IGF1R: variants seen among roughly 807,000 people sequenced by gnomAD.
The protein encoded by IGF1R is insulin like growth factor 1 receptor, also known as insulin-like growth factor 1 receptor.
In IGF1R, 44 loss-of-function variants were observed where a neutral mutation model predicts 144.6. The observed-to-expected ratio is 0.30, with a 90% CI of 0.24 to 0.39. The LOEUF (loss-of-function observed/expected upper bound fraction) is 0.39. IGF1R is among the 10% of genes least tolerant of loss of function. The probability of loss-of-function intolerance (pLI) is 1.00; values close to 1 mark genes in which losing one functional copy is unlikely to be tolerated. For synonymous variants in IGF1R, 795 were observed against 722.8 expected, an observed-to-expected ratio of 1.10 and a Z score of -1.60; for missense variants, 1,355 against 1,833.7, an observed-to-expected ratio of 0.74 and a Z score of 4.77.
At chr15:98,861,388 C>T (rs1024088750) in intron 2 of IGF1R, among the ~76,000 whole-genome samples, 40 of 152,100 alleles carry the variant, frequency 2.6e-4, no homozygotes, top group African/African-American at 3.6e-4. Context: ...CATGCTGACC[C>T]GCGTAGGGAG....
chr15:98,739,400 T>C (rs550059024), intron 2 of IGF1R, among the ~76,000 whole-genome samples: 27 of 152,244 alleles, frequency 1.8e-4, no homozygotes, highest in Admixed American at 6.5e-4. Context: ...CACTTTGATG[T>C]TTTTTCAGAG....
chr15:98,812,018 A>G (rs543027764), intron 2 of IGF1R, among the ~76,000 whole-genome samples: 22 of 152,358 alleles, frequency 1.4e-4, no homozygotes, highest in Admixed American at 4.6e-4. Flanking sequence ...CCCAGATAAA[A>G]TATTTCTAGT....
intron 2 of IGF1R, among the ~76,000 whole-genome samples, chr15:98,781,348 G>A (rs1483241940): frequency 1.3e-5 from 2 of 152,162 alleles, no homozygotes; most frequent in South Asian, 2.1e-4. Context: ...GGGTTTTAGG[G>A]TGTAGAAGGG....
chr15:98,924,659 T>C lies in IGF1R; in HGVS notation c.2757T>C (p.Pro919=). The part of the protein sequence containing the change: ...SLSGNGSWTD[P]VFFYVQAKTG... The stretch of plus-strand genomic sequence containing the variant: ...CTGGGAATGGGTCGTGGACAGATCC[T>C]GTGTTCTTCTATGTCCAGGCCAAAA... The change falls in exon 13 of 21, where the codon CCT becomes CCC. Residue 919 remains proline, a synonymous_variant. Coordinates refer to ENST00000650285, the MANE Select transcript of IGF1R (RefSeq NM_000875.5). 6.2e-7 allele frequency: 1 copy of C among 1,614,226 alleles called. No individual in the cohort carries two copies. The highest frequency in any genetic ancestry group is 1.1e-5 in the South Asian group (1 of 91,084).
rs371458825 is a variant in IGF1R at position 98,840,869 on chromosome 15, C to T, written c.641-50456C>T. On this transcript the variant is annotated intron_variant, in intron 2 of 20. Transcript: ENST00000650285. ...CTAACTTTTGTATTTTTAGTAGAGA[C>T]GGGGTTTCACCATGTTGGCCAGGCT... Among the ~76,000 whole-genome samples the T allele has an allele frequency of 2.5e-3, 381 of 152,032 alleles. 3 individuals are homozygous for T. Among genetic ancestry groups the T allele is most frequent in the African/African-American group, 8.6e-3 (357 of 41,488 alleles).
intron 1 of IGF1R, among the ~76,000 whole-genome samples, chr15:98,677,200 GTGCTGGCA>G (rs979386915): frequency 2.0e-5 from 3 of 152,044 alleles, no homozygotes; most frequent in Admixed American, 6.6e-5. Context: ...ACCTCCCAAA[GTGCTGGCA>G]TTGCAGGCGT....
At chr15:98,943,491 G>A (rs1312575472) in intron 19 of IGF1R, among the ~76,000 whole-genome samples, 1 of 152,194 alleles carries the variant, frequency 6.6e-6, no homozygotes, top group Admixed American at 6.5e-5. Flanking sequence ...AGTCCTGATT[G>A]TGTTTTCCTG....
At chr15:98,896,994 T>A in intron 4 of IGF1R, 89 bp downstream of exon 4, 1 of 1,255,392 alleles carries the variant, frequency 8.0e-7, no homozygotes, top group Middle Eastern at 1.9e-4. Context: ...GAGTCACCAC[T>A]AAAATATGGG....
intron 2 of IGF1R, among the ~76,000 whole-genome samples, chr15:98,829,429 T>C (rs1225262893): frequency 6.6e-6 from 1 of 151,876 alleles, no homozygotes; most frequent in African/African-American, 2.4e-5. Context: ...TATACAAATA[T>C]GTAATTAAGA....
At position 98,934,828 on chromosome 15, in the gene IGF1R, C is replaced by A; in HGVS notation, c.2961C>A (p.Tyr987Ter). The change falls in exon 16 of 21, where the codon TAC (tyrosine) becomes TAA (stop). Residue 987 changes from tyrosine to a stop codon, truncating the protein, a stop_gained. Transcript: ENST00000650285. LOFTEE classifies it high-confidence loss of function. ...NPEYFSAADV[Y>*]VPDEWEVARE... ...TAATTACGGTTTCTTCTCCAGTGTACGTTCCTGATGAGTGGGAGGTGGCTC... is the reference window on the plus strand; with the variant it reads ...TAATTACGGTTTCTTCTCCAGTGTAAGTTCCTGATGAGTGGGAGGTGGCTC... 6.2e-7 allele frequency: 1 copy of A among 1,613,694 alleles called. No individual in the cohort carries two copies. Among genetic ancestry groups the A allele is most frequent in the Non-Finnish European group, 8.5e-7 (1 of 1,179,670 alleles).
chr15:98,937,043 G>A (rs1009103817), intron 17 of IGF1R, among the ~76,000 whole-genome samples: 2 of 152,046 alleles, frequency 1.3e-5, no homozygotes, highest in Non-Finnish European at 2.9e-5. Flanking sequence ...GTACCACCAC[G>A]CCCACCTAAT....
chr15:98,886,393 T>C (rs2013642713), intron 2 of IGF1R, among the ~76,000 whole-genome samples: 1 of 152,222 alleles, frequency 6.6e-6, no homozygotes, highest in African/African-American at 2.4e-5. Context: ...ATGTGGGACA[T>C]GTTAGCTTTT....
intron 15 of IGF1R, among the ~76,000 whole-genome samples, chr15:98,932,462 A>G (rs1292771090): frequency 6.6e-6 from 1 of 152,140 alleles, no homozygotes; most frequent in East Asian, 1.9e-4. Context: ...GGCACTGGGG[A>G]CGCCTGCTTA....
chr15:98,875,546 C>CTT (rs531702468), intron 2 of IGF1R, among the ~76,000 whole-genome samples: 1 of 144,466 alleles, frequency 6.9e-6, no homozygotes, highest in African/African-American at 2.5e-5. Flanking sequence ...TGTGTATGAA[C>CTT]TTTTTTTTTT....
Position 98,960,081 on chromosome 15 carries a change from A to G in IGF1R, c.*2639A>G, listed in dbSNP as rs762978810. On this transcript the variant is annotated 3_prime_UTR_variant, in exon 21 of 21. Coordinates refer to ENST00000650285, the MANE Select transcript of IGF1R (RefSeq NM_000875.5). ...TTTATCTACCTCACTCTTATTTTTT[A>G]TATGTGTATATAGACAAAAGAATAC... 36 of 233,154 alleles carry G rather than the reference A, an allele frequency of 1.5e-4. No individual in the cohort carries two copies. Among genetic ancestry groups the G allele is most frequent in the East Asian group, 1.2e-4 (2 of 16,578 alleles). The allele number at this position is 233,154 out of a possible 1,614,324, so 14.4% of individuals were successfully genotyped here.
intron 5 of IGF1R, among the ~76,000 whole-genome samples, chr15:98,906,260 G>C (rs765659095): frequency 5.3e-5 from 8 of 152,234 alleles, no homozygotes; most frequent in African/African-American, 1.4e-4. Flanking sequence ...TTCCCTGCTA[G>C]TGAAATTAGT....
At chr15:98,803,569 A>T (rs1000893296) in intron 2 of IGF1R, among the ~76,000 whole-genome samples, 3 of 151,416 alleles carry the variant, frequency 2.0e-5, no homozygotes, top group Non-Finnish European at 2.9e-5. Context: ...GCAGTGGTGC[A>T]ATCACAGCTC....
chr15:98,870,857 G>C (rs74941313), intron 2 of IGF1R, among the ~76,000 whole-genome samples: 1,842 of 152,352 alleles, frequency 0.012, 15 homozygotes, highest in Non-Finnish European at 0.017. Flanking sequence ...CAATGGCCTT[G>C]AGTGATGGAG....
rs1394849065 is a variant in IGF1R, at chr15:98,924,428, C to A, written c.2623-97C>A. The A allele has an allele frequency of 1.2e-5, 13 of 1,112,262 alleles. No individual in the cohort carries two copies. The Admixed American group carries it at 2.0e-4, about 17-fold the overall frequency. The allele number at this position is 1,112,262 out of a possible 1,614,324, so 68.9% of individuals were successfully genotyped here. On this transcript the variant is annotated intron_variant, in intron 12 of 20. Coordinates refer to ENST00000650285, the MANE Select transcript of IGF1R (RefSeq NM_000875.5). ...ATCATTGTTAGGTGGGAGGTCAGAT[C>A]AGGCAGCTGGAGTCCCCAGTGTGGT...
Sources: gnomAD v4.1 joint callset for allele counts (sites outside exome capture counted in the v4.1 genomes callset) on GRCh38, gnomAD v4.1.1 for gene constraint, MANE v1.5 for transcripts, NCBI Gene and HGNC (gene_info 2026-07-23, HGNC 2026-07-21) for gene names.